APC: variants seen among roughly 807,000 people sequenced by gnomAD.
The protein encoded by APC is adenomatous polyposis coli protein.
Under a neutral mutation model 247.0 loss-of-function variants are expected in APC, and 72 were observed. The observed-to-expected ratio is 0.29, with a 90% CI of 0.24 to 0.35. The LOEUF (loss-of-function observed/expected upper bound fraction) is 0.35, where lower values mean the gene tolerates loss of function less well. APC is among the 10% of genes least tolerant of loss of function. The pLI is 1.00. For missense variants in APC, 3,400 were observed against 3,360.7 expected (o/e 1.01, Z -0.29); for synonymous variants, 1,254 against 1,162.5 (o/e 1.08, Z -1.60).
intron 8 of APC, among the ~76,000 whole-genome samples, chr5:112,802,905 C>G (rs931593981): frequency 1.3e-5 from 2 of 151,640 alleles, no homozygotes; most frequent in Non-Finnish European, 2.9e-5. Context: ...TAAAGAGTAT[C>G]TTAAAATGGT....
In APC at chr5:112,842,318, A is replaced by G. The variant is rs201375478; in HGVS notation, c.6724A>G (p.Ser2242Gly). 161 of 1,613,802 alleles carry G rather than the reference A, an allele frequency of 1.0e-4. No individual in the cohort carries two copies. The highest frequency in any genetic ancestry group is 1.2e-4 in the Non-Finnish European group (146 of 1,179,826). Residue 2242 changes from serine (S) to glycine (G), a missense_variant, in exon 16 of 16, where the codon AGT becomes GGT. Around this residue, in one of 9 missense-constraint regions of APC, gnomAD observed 1,788 missense variants for 1,649.5 expected, o/e 1.08. Coordinates refer to ENST00000257430, the MANE Select transcript of APC (RefSeq NM_000038.6). ...TCCAGGAGTTCGAAATAGCTCCTCA[A>G]GTACAAGTCCTGTTTCTAAAAAAGG... ...HIPGVRNSSS[S>G]TSPVSKKGPP...
rs545574962 is a variant in APC, at chr5:112,838,987, A to G, written c.3393A>G (p.Gln1131=). 6 of 1,613,986 alleles carry G rather than the reference A, an allele frequency of 3.7e-6. No individual in the cohort carries two copies. The highest frequency in any genetic ancestry group is 5.1e-6 in the Non-Finnish European group (6 of 1,179,996). Reference sequence around the variant, plus strand: ...AAAATGTAAGCCAGTCTTTGTGTCAAGAAGATGACTATGAAGATGATAAGC... The same window carrying G: ...AAAATGTAAGCCAGTCTTTGTGTCAGGAAGATGACTATGAAGATGATAAGC... ...INQNVSQSLC[Q]EDDYEDDKPT... Residue 1131 remains glutamine, a synonymous_variant, in exon 16 of 16, where the codon CAA becomes CAG. Transcript: ENST00000257430.
At chr5:112,794,812 T>C (rs1227869776) in intron 7 of APC, among the ~76,000 whole-genome samples, 1 of 152,170 alleles carries the variant, frequency 6.6e-6, no homozygotes, top group East Asian at 1.9e-4. Flanking sequence ...CCCCTTCACG[T>C]TCAGTAATTC....
chr5:112,761,402 CAGAT>C (rs1298549738), intron 2 of APC, among the ~76,000 whole-genome samples: 9 of 151,678 alleles, frequency 5.9e-5, no homozygotes, highest in East Asian at 1.9e-4. Context: ...GAAAAATGAA[CAGAT>C]AGAAAATTTT....
At chr5:112,769,124 T>A (rs749067849) in intron 4 of APC, among the ~76,000 whole-genome samples, 19 of 143,132 alleles carry the variant, frequency 1.3e-4, no homozygotes, top group South Asian at 6.8e-4. Context: ...CAATCTTGGC[T>A]CCTGCAACCT....
rs367961957 is a variant in APC, at chr5:112,755,189, T to C, written c.135+164T>C. 2.8e-5 allele frequency: 16 copies of C among 573,106 alleles called. No individual in the cohort carries two copies. The South Asian group carries it at 6.2e-4, about 22-fold the overall frequency. 35.5% of individuals were successfully genotyped at this position (573,106 alleles called of 1,614,324 possible). On this transcript the variant is annotated intron_variant, in intron 2 of 15. Transcript: ENST00000257430. ...AGCATTTATATTTTTAAATAAGATA[T>C]ATTGAATTCATTCAGTGAATCATAT...
chr5:112,713,808 C>T (rs1449168220), intron 1 of APC, among the ~76,000 whole-genome samples: 3 of 152,048 alleles, frequency 2.0e-5, no homozygotes, highest in Admixed American at 6.5e-5. Flanking sequence ...CTGGCGCCTG[C>T]CACCACACCC....
In APC at chr5:112,844,274, T is replaced by C; in HGVS notation, c.*148T>C. The C allele has an allele frequency of 1.3e-6, 1 of 762,590 alleles. No homozygotes were observed. The highest frequency in any genetic ancestry group is 2.1e-6 in the Non-Finnish European group (1 of 482,010). 47.2% of individuals were successfully genotyped at this position (762,590 alleles called of 1,614,324 possible). A position where few individuals can be genotyped will look rare whatever the true frequency, so the allele number is the denominator to read the frequency against. ...GGGTTTTTGTTCTGGAAGCCATATT[T>C]GATAGTATACTTTGTCTTCACTGGT... On this transcript the variant is annotated 3_prime_UTR_variant, in exon 16 of 16. Transcript: ENST00000257430.
At chr5:112,715,170 A>G (rs1751085982) in intron 1 of APC, among the ~76,000 whole-genome samples, 1 of 152,268 alleles carries the variant, frequency 6.6e-6, no homozygotes, top group African/African-American at 2.4e-5. Context: ...TGTTTTTGTC[A>G]TTTTCTCAAC....
chr5:112,708,715 G>T (rs1027813823), intron 1 of APC, among the ~76,000 whole-genome samples: 4 of 152,172 alleles, frequency 2.6e-5, no homozygotes. Flanking sequence ...TATTTAGAAA[G>T]GACTAAAATG....
At chr5:112,792,827 T>C (rs147954151) in intron 7 of APC, among the ~76,000 whole-genome samples, 1,652 of 152,268 alleles carry the variant, frequency 0.011, 24 homozygotes, top group Non-Finnish European at 0.013. Context: ...AGTAAACTTT[T>C]TTATAGATAA....
chr5:112,773,284 A>T (rs1757254094), intron 4 of APC, among the ~76,000 whole-genome samples: 1 of 152,194 alleles, frequency 6.6e-6, no homozygotes, highest in South Asian at 2.1e-4. Context: ...AACAATAATC[A>T]AGCAGAACTT....
Position 112,816,851 on chromosome 5 carries a change from G to T in APC, c.933+1258G>T, listed in dbSNP as rs544909135. Among the ~76,000 whole-genome samples the T allele has an allele frequency of 7.3e-5, 11 of 151,634 alleles. No homozygotes were observed. The South Asian group carries it at 1.5e-3, about 20-fold the overall frequency. ...TTTATTATTTTAAAGTCAGAGATTT[G>T]ATTTTATTTTTATTTTATTTATTTA... On this transcript the variant is annotated intron_variant, in intron 9 of 15. Coordinates refer to ENST00000257430, the MANE Select transcript of APC (RefSeq NM_000038.6).
In APC at chr5:112,840,810, A is replaced by G. The variant is rs769558291; in HGVS notation, c.5216A>G (p.Lys1739Arg). Residue 1739 changes from lysine (K) to arginine (R), a missense_variant, in exon 16 of 16, where the codon AAG (lysine) becomes AGG (arginine). Around this residue, in one of 9 missense-constraint regions of APC, gnomAD observed 1,788 missense variants for 1,649.5 expected, o/e 1.08. Coordinates refer to ENST00000257430, the MANE Select transcript of APC (RefSeq NM_000038.6). The surrounding 1 kb of genome is among the most constrained non-coding windows in gnomAD (Gnocchi z 4.1). The part of the protein sequence containing the change: ...NSAMPKGKSH[K>R]PFRVKKIMDQ... ...GCTATGCCCAAAGGGAAAAGTCACA[A>G]GCCTTTCCGTGTGAAAAAGATAATG... 72 of 1,614,044 alleles carry G rather than the reference A, an allele frequency of 4.5e-5. No homozygotes were observed. Among genetic ancestry groups the G allele is most frequent in the Non-Finnish European group, 5.9e-5 (70 of 1,180,006 alleles).
rs373883680 is a variant in APC, at chr5:112,845,446, T to C, written c.*1320T>C. 1.3e-5 allele frequency: 3 copies of C among 233,160 alleles called. No individual in the cohort carries two copies. The highest frequency in any genetic ancestry group is 2.5e-5 in the Non-Finnish European group (3 of 117,776). 14.4% of individuals were successfully genotyped at this position (233,160 alleles called of 1,614,324 possible). A position where few individuals can be genotyped will look rare whatever the true frequency, so the allele number is the denominator to read the frequency against. ...GTGTAAACTGTCTTGCCCCTTCATCTTCTTGTTGCAACTGGGTCTGACATG... is the reference window on the plus strand; with the variant it reads ...GTGTAAACTGTCTTGCCCCTTCATCCTCTTGTTGCAACTGGGTCTGACATG... On this transcript the variant is annotated 3_prime_UTR_variant, in exon 16 of 16. Coordinates refer to ENST00000257430, the MANE Select transcript of APC (RefSeq NM_000038.6).
At chr5:112,807,025 TG>T (rs1168809834) in intron 8 of APC, among the ~76,000 whole-genome samples, 1 of 151,370 alleles carries the variant, frequency 6.6e-6, no homozygotes, top group Non-Finnish European at 1.5e-5. Context: ...CCCAGCTACT[TG>T]GGAGGCTGAG....
At chr5:112,722,630 C>A (rs1480447757) in intron 1 of APC, among the ~76,000 whole-genome samples, 1 of 152,036 alleles carries the variant, frequency 6.6e-6, no homozygotes. Context: ...CCCACTACCC[C>A]CTCTTTGGAG....
intron 4 of APC, among the ~76,000 whole-genome samples, chr5:112,771,879 G>A (rs1757090403): frequency 6.6e-6 from 1 of 152,072 alleles, no homozygotes; most frequent in Admixed American, 6.5e-5. Context: ...AGTTGGTTAA[G>A]CCAGGACTTA....
intron 1 of APC, among the ~76,000 whole-genome samples, chr5:112,717,908 CTTTTTTTTTTTTTTTTTT>C: frequency 1.7e-4 from 7 of 40,634 alleles, no homozygotes; most frequent in Admixed American, 4.3e-4. Context: ...TTTTCTTTTT[CTTTTTTTTTTTTTTTTTT>C]TTTTTTTTTT....
Sources: gnomAD v4.1 joint callset for allele counts (sites outside exome capture counted in the v4.1 genomes callset) on GRCh38, gnomAD v4.1.1 for gene constraint, gnomAD v4.1.1 regional missense constraint, Gnocchi (gnomAD v3.1) non-coding constraint, MANE v1.5 for transcripts, NCBI Gene and HGNC (gene_info 2026-07-23, HGNC 2026-07-21) for gene names.